The following PIP5K1C variants were observed in gnomAD, a reference collection of about 807,000 sequenced individuals.
The protein encoded by PIP5K1C is phosphatidylinositol 4-phosphate 5-kinase type-1 gamma.
In PIP5K1C, 45 loss-of-function variants were observed where a neutral mutation model predicts 80.1. That is an observed-to-expected ratio of 0.56 (90% CI 0.44 to 0.72). The LOEUF (loss-of-function observed/expected upper bound fraction) is 0.72, where lower values mean the gene tolerates loss of function less well. PIP5K1C is among the 30% of genes least tolerant of loss of function. The pLI is 0.00. For synonymous variants in PIP5K1C, 498 were observed against 420.1 expected, an observed-to-expected ratio of 1.19 and a Z score of -2.27; for missense variants, 753 against 954.6, an observed-to-expected ratio of 0.79 and a Z score of 2.78.
At chr19:3,689,874 C>CA (rs779726356) in intron 1 of PIP5K1C, among the ~76,000 whole-genome samples, 22 of 152,102 alleles carry the variant, frequency 1.4e-4, no homozygotes, top group Non-Finnish European at 2.8e-4. Context: ...AAAGACATGG[C>CA]AAAACGTTAG....
Position 3,648,735 on chromosome 19 carries a change from C to T in PIP5K1C, c.1128-27G>A. 3 of 1,596,468 alleles carry T rather than the reference C, an allele frequency of 1.9e-6. No individual in the cohort carries two copies. The Middle Eastern group carries it at 5.0e-4, about 265-fold the overall frequency. On this transcript the variant is annotated intron_variant, in intron 8 of 17. Coordinates refer to ENST00000335312, the MANE Select transcript of PIP5K1C (RefSeq NM_012398.3). The surrounding 1 kb of genome is among the most constrained non-coding windows in gnomAD (Gnocchi z 4.3). The stretch of plus-strand genomic sequence containing the variant: ...TGGGGAGAGAGGCCGAGGGTACCAT[C>T]AGCATCCCGCAGAGCTGGGACTCGG...
chr19:3,660,305 A>G (rs867037670), intron 5 of PIP5K1C, among the ~76,000 whole-genome samples: 5 of 151,880 alleles, frequency 3.3e-5, no homozygotes, highest in South Asian at 2.1e-4. Flanking sequence ...GCGTGAACCC[A>G]GGAGGCGGAG....
In PIP5K1C at chr19:3,637,560, G is replaced by A. The variant is rs930942908; in HGVS notation, c.1920+1324C>T. 24 of 1,534,932 alleles carry A rather than the reference G, an allele frequency of 1.6e-5. No individual in the cohort carries two copies. The highest frequency in any genetic ancestry group is 9.8e-5 in the Admixed American group (5 of 50,960). On this transcript the variant is annotated intron_variant, in intron 16 of 17. Coordinates refer to ENST00000335312, the MANE Select transcript of PIP5K1C (RefSeq NM_012398.3). The surrounding 1 kb of genome is among the most constrained non-coding windows in gnomAD (Gnocchi z 7.0). ...CAGTCCCCGAGGCGCTCAGCGTCAC[G>A]GCCCGCAGTCGGCGATGGCGGGGAG...
intron 1 of PIP5K1C, among the ~76,000 whole-genome samples, chr19:3,685,810 G>A (rs1034567096): frequency 1.3e-5 from 2 of 151,930 alleles, no homozygotes; most frequent in African/African-American, 4.8e-5. Context: ...TGCTACAACC[G>A]CAGTGTGGAG....
In PIP5K1C at chr19:3,641,896, G is replaced by A. The variant is rs1040300586; in HGVS notation, c.1683-87C>T. The stretch of plus-strand genomic sequence containing the variant: ...GAGTGCCCAGTGAACTCCAGGGCCA[G>A]TCCCAGAGGGGAGTTGGGAGCCTCC... On this transcript the variant is annotated intron_variant, in intron 14 of 17. Coordinates refer to ENST00000335312, the MANE Select transcript of PIP5K1C (RefSeq NM_012398.3). 2.7e-5 allele frequency: 28 copies of A among 1,043,452 alleles called. 1 individual carries two copies. In the South Asian group the frequency reaches 3.3e-4, roughly 12 times the overall value. The allele number at this position is 1,043,452 out of a possible 1,614,324, so 64.6% of individuals were successfully genotyped here.
At chr19:3,633,404 C>G (rs776411715) in intron 17 of PIP5K1C, 33 bp downstream of exon 17, 1 of 1,385,146 alleles carries the variant, frequency 7.2e-7, no homozygotes, top group African/African-American at 1.5e-5. Flanking sequence ...TTGGAGCCCA[C>G]GGGACCGGCG....
intron 1 of PIP5K1C, among the ~76,000 whole-genome samples, chr19:3,672,264 C>A (rs2035231847): frequency 6.6e-6 from 1 of 152,242 alleles, no homozygotes; most frequent in African/African-American, 2.4e-5. Context: ...CCCAGCTGTT[C>A]CCTGGCCTGC....
chr19:3,651,726 C>T, intron 8 of PIP5K1C, 100 bp downstream of exon 8: 1 of 1,235,804 alleles, frequency 8.1e-7, no homozygotes, highest in Non-Finnish European at 1.2e-6. Flanking sequence ...ATGCCCTCGC[C>T]AGCCCTCCCT....
intron 1 of PIP5K1C, among the ~76,000 whole-genome samples, chr19:3,683,702 G>A (rs1258786456): frequency 6.6e-6 from 1 of 152,316 alleles, no homozygotes; most frequent in East Asian, 1.9e-4. Flanking sequence ...AGGGACGGGA[G>A]GAGAGTGAGG....
chr19:3,699,993 C>G (rs2036246042), intron 1 of PIP5K1C, among the ~76,000 whole-genome samples: 1 of 152,236 alleles, frequency 6.6e-6, no homozygotes, highest in Non-Finnish European at 1.5e-5. Flanking sequence ...CAAGCAGCCG[C>G]CACTCACACG....
At chr19:3,655,039 C>T (rs1413474885) in intron 6 of PIP5K1C, among the ~76,000 whole-genome samples, 4 of 121,010 alleles carry the variant, frequency 3.3e-5, no homozygotes, top group African/African-American at 6.4e-5. Flanking sequence ...ACCCAGGAGG[C>T]GGAGCTTGCA....
chr19:3,685,633 G>A (rs1038611198), intron 1 of PIP5K1C, among the ~76,000 whole-genome samples: 6 of 152,066 alleles, frequency 3.9e-5, no homozygotes, highest in African/African-American at 1.4e-4. Flanking sequence ...GGGAGGCTGA[G>A]GCAGGAGAAT....
At chr19:3,660,491 G>C (rs2034798160) in intron 5 of PIP5K1C, among the ~76,000 whole-genome samples, 1 of 152,160 alleles carries the variant, frequency 6.6e-6, no homozygotes. Flanking sequence ...TAGGTCAAAG[G>C]GGTTGGCCTA....
rs1420068812 is a variant in PIP5K1C, at chr19:3,700,468, C to G, written c.-78G>C. On this transcript the variant is annotated 5_prime_UTR_variant, in exon 1 of 18. Transcript: ENST00000335312. ...GCCGCCGCCGAACAACAAGCGCCGC[C>G]GGCCAAGGGAGGGCGCGCCGGGCCG... The G allele has an allele frequency of 7.5e-6, 6 of 803,114 alleles. No individual in the cohort carries two copies. The highest frequency in any genetic ancestry group is 1.9e-5 in the African/African-American group (1 of 53,232). The allele number at this position is 803,114 out of a possible 1,614,324, so 49.7% of individuals were successfully genotyped here.
intron 1 of PIP5K1C, among the ~76,000 whole-genome samples, chr19:3,699,363 A>ACT (rs72328503): frequency 0.19 from 28,051 of 147,092 alleles, 2,993 homozygotes; most frequent in Middle Eastern, 0.33. Context: ...TGACTTCCAC[A>ACT]CTCTCTCTCT....
intron 6 of PIP5K1C, among the ~76,000 whole-genome samples, chr19:3,654,628 C>T (rs1052245382): frequency 6.6e-6 from 1 of 151,840 alleles, no homozygotes; most frequent in Non-Finnish European, 1.5e-5. Flanking sequence ...CCAGCCTGGC[C>T]AACATGGTGA....
chr19:3,637,639 G>A lies in PIP5K1C; in HGVS notation c.1920+1245C>T, dbSNP rs780176365. On this transcript the variant is annotated intron_variant, in intron 16 of 17. Transcript: ENST00000335312. The surrounding 1 kb of genome is among the most constrained non-coding windows in gnomAD (Gnocchi z 7.0). ...CTGGACGGGGCGGGCCGGGTGGGCC[G>A]GAGGAGGAAGGAAAACAGAGGACAG... 108 of 1,514,740 alleles carry A rather than the reference G, an allele frequency of 7.1e-5. No individual in the cohort carries two copies. The highest frequency in any genetic ancestry group is 6.4e-4 in the East Asian group (26 of 40,580). The allele number at this position is 1,514,740 out of a possible 1,614,324, so 93.8% of individuals were successfully genotyped here.
intron 5 of PIP5K1C, 98 bp downstream of exon 5, chr19:3,660,868 C>G: frequency 1.1e-6 from 1 of 919,690 alleles, no homozygotes; most frequent in Non-Finnish European, 1.8e-6. Context: ...ACGAGGAACC[C>G]AGGGAGGCTG....
chr19:3,664,956 C>A, intron 2 of PIP5K1C, 42 bp from the exon 3 acceptor site: 2 of 1,479,400 alleles, frequency 1.4e-6, no homozygotes. Flanking sequence ...CTAAGGAGCA[C>A]GCCCACCGGG....
Sources: allele counts gnomAD v4.1 joint callset (sites outside exome capture counted in the v4.1 genomes callset), GRCh38; gene constraint gnomAD v4.1.1; non-coding constraint Gnocchi (gnomAD v3.1); transcripts MANE v1.5; gene names NCBI Gene and HGNC (gene_info 2026-07-23, HGNC 2026-07-21).